The following TMEM232 variants were observed in gnomAD, a reference collection of about 807,000 sequenced individuals.
The protein encoded by TMEM232 is transmembrane protein 232.
A neutral mutation model predicts 78.8 loss-of-function variants in TMEM232; 80 were observed. That is an observed-to-expected ratio of 1.01 (90% CI 0.85 to 1.22). TMEM232 has a LOEUF of 1.22. Ranked by LOEUF, TMEM232 falls within the 50% of genes most tolerant of loss-of-function variation. The probability of loss-of-function intolerance (pLI) is 0.00; values close to 1 mark genes in which losing one functional copy is unlikely to be tolerated. For missense variants in TMEM232, 881 were observed against 742.2 expected (o/e 1.19, Z -2.17); for synonymous variants, 297 against 254.3 (o/e 1.17, Z -1.60).
chr5:110,635,344 C>A (rs1158549646), intron 5 of TMEM232, among the ~76,000 whole-genome samples: 3 of 151,940 alleles, frequency 2.0e-5, no homozygotes, highest in African/African-American at 7.2e-5. Context: ...CCAAGGCCAG[C>A]GTTACCCTAA....
intron 1 of TMEM232, among the ~76,000 whole-genome samples, chr5:110,695,872 T>C (rs1440300376): frequency 6.6e-6 from 1 of 152,126 alleles, no homozygotes; most frequent in East Asian, 1.9e-4. Flanking sequence ...CTACCAGAGG[T>C]ACAAGGAGAA....
intron 1 of TMEM232, among the ~76,000 whole-genome samples, chr5:110,699,521 C>G (rs1175579850): frequency 6.6e-6 from 1 of 151,904 alleles, no homozygotes; most frequent in Non-Finnish European, 1.5e-5. Context: ...GGCACAATTG[C>G]AAAGAGCTGG....
At chr5:110,502,282 C>A (rs1766350758) in intron 12 of TMEM232, among the ~76,000 whole-genome samples, 1 of 152,058 alleles carries the variant, frequency 6.6e-6, no homozygotes, top group Non-Finnish European at 1.5e-5. Context: ...TTCTGCAGTT[C>A]CAGGGACTGA....
At chr5:110,693,448 G>C (rs1794379746) in intron 1 of TMEM232, among the ~76,000 whole-genome samples, 1 of 152,194 alleles carries the variant, frequency 6.6e-6, no homozygotes, top group Non-Finnish European at 1.5e-5. Flanking sequence ...AAGAAAGCTG[G>C]ATAGAGAATG....
intron 12 of TMEM232, among the ~76,000 whole-genome samples, chr5:110,461,649 T>C (rs371763410): frequency 2.0e-5 from 3 of 152,334 alleles, no homozygotes; most frequent in African/African-American, 2.4e-5. Flanking sequence ...AAGAAGTCAA[T>C]GCTTGGCTTC....
At chr5:110,673,548 G>A (rs531023014) in intron 1 of TMEM232, among the ~76,000 whole-genome samples, 1 of 152,172 alleles carries the variant, frequency 6.6e-6, no homozygotes, top group South Asian at 2.1e-4. Context: ...ACATCTACTA[G>A]GAAAAACTGA....
At position 110,498,394 on chromosome 5, in the gene TMEM232, C is replaced by A. The variant is rs186514513; in HGVS notation, c.1703+30194G>T. Among the ~76,000 whole-genome samples the A allele has an allele frequency of 4.6e-4, 70 of 152,282 alleles. 1 individual carries two copies. Among genetic ancestry groups the A allele is most frequent in the Non-Finnish European group, 7.2e-4 (49 of 68,016 alleles). On this transcript the variant is annotated intron_variant, in intron 12 of 13. Transcript: ENST00000455884. Reference sequence around the variant, plus strand: ...ATGACTTGCTAAGCCCTATCTGGATCAGAATCTTCCTCAGCTATTTTCACA... The same window carrying A: ...ATGACTTGCTAAGCCCTATCTGGATAAGAATCTTCCTCAGCTATTTTCACA...
chr5:110,697,938 T>C (rs1409212901), intron 1 of TMEM232, among the ~76,000 whole-genome samples: 3 of 152,188 alleles, frequency 2.0e-5, no homozygotes, highest in African/African-American at 2.4e-5. Context: ...CATTACTGGG[T>C]ATATACCCAA....
chr5:110,499,799 A>G (rs1766042779), intron 12 of TMEM232, among the ~76,000 whole-genome samples: 3 of 152,312 alleles, frequency 2.0e-5, no homozygotes, highest in African/African-American at 7.2e-5. Context: ...ATCTACAACT[A>G]TAGTTCAACA....
intron 12 of TMEM232, among the ~76,000 whole-genome samples, chr5:110,494,054 A>G (rs1002878398): frequency 6.6e-6 from 1 of 152,008 alleles, no homozygotes; most frequent in Non-Finnish European, 1.5e-5. Context: ...GCTGAGAATG[A>G]TGGTTTCCAG....
chr5:110,610,780 T>C (rs1224670617), intron 8 of TMEM232, among the ~76,000 whole-genome samples: 1 of 152,000 alleles, frequency 6.6e-6, no homozygotes, highest in African/African-American at 2.4e-5. Context: ...AAGGGGGAAT[T>C]AAACAAAAAA....
At chr5:110,565,435 G>A (rs1000744280) in intron 11 of TMEM232, among the ~76,000 whole-genome samples, 6 of 151,912 alleles carry the variant, frequency 3.9e-5, no homozygotes, top group African/African-American at 1.2e-4. Flanking sequence ...AACCTTTGCT[G>A]TAGGTTCTGT....
intron 1 of TMEM232, among the ~76,000 whole-genome samples, chr5:110,715,060 A>G (rs576053223): frequency 1.3e-5 from 2 of 152,166 alleles, no homozygotes; most frequent in Non-Finnish European, 2.9e-5. Flanking sequence ...TTCCTTGTCT[A>G]TTTTTGCCCC....
intron 2 of TMEM232, among the ~76,000 whole-genome samples, chr5:110,654,065 C>T (rs866724840): frequency 9.9e-5 from 15 of 152,146 alleles, no homozygotes; most frequent in Admixed American, 6.5e-5. Context: ...GAAAGTACTA[C>T]AATGGAATTG....
intron 1 of TMEM232, among the ~76,000 whole-genome samples, chr5:110,725,111 T>C (rs1428663023): frequency 6.6e-6 from 1 of 152,214 alleles, no homozygotes; most frequent in Non-Finnish European, 1.5e-5. Context: ...AAGTGTGATA[T>C]ATAGTTTAGA....
chr5:110,685,530 C>T (rs371947369), intron 1 of TMEM232, among the ~76,000 whole-genome samples: 1 of 152,014 alleles, frequency 6.6e-6, no homozygotes, highest in Non-Finnish European at 1.5e-5. Context: ...GAATATAGAA[C>T]AATGAAACTC....
chr5:110,588,132 AATT>A (rs1456787135), intron 10 of TMEM232, among the ~76,000 whole-genome samples: 1 of 152,120 alleles, frequency 6.6e-6, no homozygotes, highest in Non-Finnish European at 1.5e-5. Flanking sequence ...TCTAAAAAGA[AATT>A]ATTGCTCTGT....
upstream of TMEM232, among the ~76,000 whole-genome samples, chr5:110,728,390 A>G (rs1798360771): frequency 2.0e-5 from 3 of 152,062 alleles, no homozygotes; most frequent in South Asian, 6.2e-4. Context: ...AAAACTGTAC[A>G]GAGGCTGAGC....
intron 12 of TMEM232, among the ~76,000 whole-genome samples, chr5:110,527,014 C>A (rs550738231): frequency 6.6e-6 from 1 of 151,618 alleles, no homozygotes; most frequent in Non-Finnish European, 1.5e-5. Flanking sequence ...ATTAAAAACA[C>A]TAATAATGTA....
Sources: gnomAD v4.1 joint callset for allele counts (sites outside exome capture counted in the v4.1 genomes callset) on GRCh38, gnomAD v4.1.1 for gene constraint, MANE v1.5 for transcripts, NCBI Gene and HGNC (gene_info 2026-07-23, HGNC 2026-07-21) for gene names.